Variants in TENM2 observed in about 807,000 individuals in gnomAD.
The protein encoded by TENM2 is teneurin transmembrane protein 2.
TENM2 carries 52 observed loss-of-function variants against 245.2 expected under a neutral mutation model. The ratio of observed to expected loss-of-function variants is 0.21; its 90% confidence interval spans 0.17 to 0.27. TENM2 has a LOEUF of 0.27. TENM2 is among the 10% of genes least tolerant of loss of function. The probability of loss-of-function intolerance (pLI) is 1.00; values close to 1 mark genes in which losing one functional copy is unlikely to be tolerated. For synonymous variants in TENM2, 1,363 were observed against 1,438.9 expected (o/e 0.95, Z 1.19); for missense variants, 3,046 against 3,666.8 (o/e 0.83, Z 4.37).
Position 167,925,990 on chromosome 5 carries a change from G to C in TENM2, c.713-26598G>C, listed in dbSNP as rs527526202. ...TGGGAGGAGGGAGAGGAGCAGAGAA[G>C]ATCACTATTGGGAACTGGGCTTAAC... On this transcript the variant is annotated intron_variant, in intron 3 of 28. Transcript: ENST00000518659. Among the ~76,000 whole-genome samples the C allele has an allele frequency of 2.1e-4, 32 of 152,240 alleles. 1 individual carries two copies. The highest frequency in any genetic ancestry group is 7.0e-4 in the African/African-American group (29 of 41,552).
chr5:167,546,475 T>G (rs1772567208), intron 2 of TENM2, among the ~76,000 whole-genome samples: 2 of 152,224 alleles, frequency 1.3e-5, no homozygotes, highest in African/African-American at 4.8e-5. Flanking sequence ...AAATGGAGTC[T>G]GGTGCCTCAG....
the TENM2 span, among the ~76,000 whole-genome samples, chr5:167,195,365 T>C: frequency 9.9e-5 from 15 of 151,988 alleles, no homozygotes; most frequent in Non-Finnish European, 1.9e-4. Flanking sequence ...GACAGAAAAG[T>C]TGGAAGCTTT....
At chr5:167,874,069 G>T (rs889412985) in intron 2 of TENM2, among the ~76,000 whole-genome samples, 3 of 152,044 alleles carry the variant, frequency 2.0e-5, no homozygotes, top group African/African-American at 7.2e-5. Context: ...CTCTTTGGAC[G>T]TTTGCTCAGG....
chr5:167,983,704 G>T (rs995824574), intron 4 of TENM2, among the ~76,000 whole-genome samples: 1 of 152,160 alleles, frequency 6.6e-6, no homozygotes, highest in African/African-American at 2.4e-5. Flanking sequence ...TTTAAAAACT[G>T]TAAGTCCTAT....
chr5:167,212,315 C>A, the TENM2 span, among the ~76,000 whole-genome samples: 2 of 152,162 alleles, frequency 1.3e-5, no homozygotes, highest in Admixed American at 6.5e-5. Context: ...AGCAGCCGGA[C>A]CTTTCTCTGG....
intron 1 of TENM2, among the ~76,000 whole-genome samples, chr5:167,349,153 A>G (rs1010578055): frequency 4.6e-5 from 7 of 152,204 alleles, no homozygotes; most frequent in East Asian, 3.8e-4. Flanking sequence ...TCACTCCAAA[A>G]GGATTGCTCA....
chr5:168,075,519 T>C (rs1370101546), intron 7 of TENM2, among the ~76,000 whole-genome samples: 1 of 152,182 alleles, frequency 6.6e-6, no homozygotes, highest in African/African-American at 2.4e-5. Flanking sequence ...AGATCCCCTG[T>C]GCCCCACACC....
chr5:168,169,916 C>T (rs1055107517), intron 13 of TENM2, among the ~76,000 whole-genome samples: 2 of 152,146 alleles, frequency 1.3e-5, no homozygotes, highest in Non-Finnish European at 2.9e-5. Context: ...AAACAGAGTC[C>T]CTGATTAGCT....
chr5:168,237,868 C>T lies in TENM2; in HGVS notation c.5521-6552C>T, dbSNP rs1477391461. ...GCTACTTTTTAAATCCCAGGCCGGG[C>T]GCGGTGGCTCATGCCTGTAATCCCA... On this transcript the variant is annotated intron_variant, in intron 25 of 28. Coordinates refer to ENST00000518659, the Ensembl canonical transcript of TENM2. Among the ~76,000 whole-genome samples the T allele has an allele frequency of 3.3e-5, 5 of 151,872 alleles. No individual in the cohort carries two copies. In the East Asian group the frequency reaches 5.8e-4, roughly 18 times the overall value.
chr5:168,108,193 A>C (rs546042156), intron 9 of TENM2, among the ~76,000 whole-genome samples: 1 of 152,354 alleles, frequency 6.6e-6, no homozygotes, highest in East Asian at 1.9e-4. Flanking sequence ...GAGGGAGGGC[A>C]TGAGCAAAGG....
chr5:167,351,328 T>C (rs974868386), intron 1 of TENM2, among the ~76,000 whole-genome samples: 94 of 152,210 alleles, frequency 6.2e-4, no homozygotes, highest in African/African-American at 2.2e-3. Flanking sequence ...GTCTTTCTTC[T>C]GGTGACACCA....
chr5:167,110,772 C>T, the TENM2 span, among the ~76,000 whole-genome samples: 1 of 152,020 alleles, frequency 6.6e-6, no homozygotes, highest in African/African-American at 2.4e-5. Flanking sequence ...GTTTTATTTC[C>T]TTATAATCAA....
chr5:167,654,257 G>C (rs1224656626), intron 2 of TENM2, among the ~76,000 whole-genome samples: 4 of 151,942 alleles, frequency 2.6e-5, no homozygotes, highest in African/African-American at 9.7e-5. Context: ...TACCAGATTT[G>C]AATGGACAAA....
chr5:167,384,081 C>A (rs545321789), intron 2 of TENM2, among the ~76,000 whole-genome samples: 6 of 152,250 alleles, frequency 3.9e-5, no homozygotes, highest in East Asian at 3.9e-4. Flanking sequence ...GCTAATGATA[C>A]CTAACTATGT....
chr5:167,765,040 G>A (rs1459087413), intron 2 of TENM2, among the ~76,000 whole-genome samples: 1 of 152,064 alleles, frequency 6.6e-6, no homozygotes, highest in Non-Finnish European at 1.5e-5. Flanking sequence ...TCTGCAACCC[G>A]AGTGCCTGTC....
the TENM2 span, among the ~76,000 whole-genome samples, chr5:167,261,478 G>A: frequency 3.3e-5 from 5 of 152,096 alleles, no homozygotes; most frequent in East Asian, 3.9e-4. Flanking sequence ...TGGTAGATTC[G>A]TTATACTGTT....
At chr5:167,968,680 T>G (rs991215620) in intron 4 of TENM2, among the ~76,000 whole-genome samples, 1 of 152,224 alleles carries the variant, frequency 6.6e-6, no homozygotes, top group Non-Finnish European at 1.5e-5. Flanking sequence ...TGTTCTTAGA[T>G]AAGAATTTTC....
intron 2 of TENM2, among the ~76,000 whole-genome samples, chr5:167,821,988 A>G (rs1767567630): frequency 6.6e-6 from 1 of 152,086 alleles, no homozygotes; most frequent in Admixed American, 6.6e-5. Context: ...ATCTTCATGG[A>G]TAAAGGCGAA....
chr5:168,174,331 C>T (rs1419992725), intron 13 of TENM2, among the ~76,000 whole-genome samples: 1 of 152,160 alleles, frequency 6.6e-6, no homozygotes, highest in Non-Finnish European at 1.5e-5. Context: ...CCTCCACTTC[C>T]TCAAGATATG....
Sources: allele counts gnomAD v4.1 joint callset (sites outside exome capture counted in the v4.1 genomes callset), GRCh38; gene constraint gnomAD v4.1.1; transcripts MANE v1.5; gene names NCBI Gene and HGNC (gene_info 2026-07-23, HGNC 2026-07-21).